The following KIF15 variants were observed in gnomAD, a reference collection of about 807,000 sequenced individuals.
KIF15 encodes the protein kinesin-like protein KIF15.
Under a neutral mutation model 190.6 loss-of-function variants are expected in KIF15, and 140 were observed. That is an observed-to-expected ratio of 0.73 (90% confidence interval 0.64 to 0.84). KIF15 has a LOEUF of 0.84. Ranked by LOEUF, KIF15 falls within the 40% of genes least tolerant of loss-of-function variation. KIF15 has a pLI of 0.00. For missense variants in KIF15, 1,372 were observed against 1,584.4 expected (o/e 0.87, Z 2.28); for synonymous variants, 528 against 551.3 (o/e 0.96, Z 0.59).
chr3:44,767,324 G>A (rs138051770), intron 1 of KIF15, among the ~76,000 whole-genome samples: 2,574 of 152,306 alleles, frequency 0.017, 49 homozygotes, highest in African/African-American at 0.04. Context: ...CTACACTGTG[G>A]CAGTGGATTT....
rs1279766003 is a variant in KIF15, at chr3:44,810,840, C to T, written c.1972-6C>T. The T allele has an allele frequency of 6.3e-7, 1 of 1,590,924 alleles. No homozygotes were observed. Among genetic ancestry groups the T allele is most frequent in the Non-Finnish European group, 8.5e-7 (1 of 1,172,196 alleles). On this transcript the variant is annotated splice_region_variant and splice_polypyrimidine_tract_variant and intron_variant, in intron 16 of 34. Transcript: ENST00000326047. ...TAATGTTTTCCATAATCATTTTTTG[C>T]TGCAGATTATAACTACACCAACCAA...
At chr3:44,822,823 A>G (rs1200281670) in intron 20 of KIF15, among the ~76,000 whole-genome samples, 1 of 152,158 alleles carries the variant, frequency 6.6e-6, no homozygotes, top group Non-Finnish European at 1.5e-5. Context: ...TGCAGGTGTC[A>G]TGAAGTTCTC....
intron 6 of KIF15, chr3:44,861,929 C>T (rs1699255335): frequency 6.9e-7 from 1 of 1,443,836 alleles, no homozygotes; most frequent in Non-Finnish European, 9.1e-7. Context: ...GGCAACATGG[C>T]CGAGAGGCCG....
chr3:44,829,124 G>A (rs10049341), intron 24 of KIF15, among the ~76,000 whole-genome samples: 66,069 of 151,582 alleles, frequency 0.44, 15,751 homozygotes, highest in East Asian at 0.82. Context: ...TTGGGAGGCT[G>A]AGGCGGGTGG....
At chr3:44,865,307 G>C in intron 6 of KIF15, 1 of 1,271,758 alleles carries the variant, frequency 7.9e-7, no homozygotes, top group Non-Finnish European at 1.1e-6. Context: ...AGGGAAGCAG[G>C]CCTCTGATGG....
At chr3:44,785,394 A>G (rs561231801) in intron 6 of KIF15, among the ~76,000 whole-genome samples, 1 of 152,314 alleles carries the variant, frequency 6.6e-6, no homozygotes, top group East Asian at 1.9e-4. Flanking sequence ...CCTTTGTAGC[A>G]CCTGCTACTG....
chr3:44,847,927 T>C, intron 30 of KIF15, 58 bp from the exon 31 acceptor site: 1 of 1,201,390 alleles, frequency 8.3e-7, no homozygotes, highest in Non-Finnish European at 1.2e-6. Flanking sequence ...AAATTGATAC[T>C]TGAATATACT....
At chr3:44,776,990 ATTTTTTTT>A (rs371067828) in intron 3 of KIF15, among the ~76,000 whole-genome samples, 7 of 116,836 alleles carry the variant, frequency 6.0e-5, no homozygotes, top group Admixed American at 2.0e-4. Context: ...AACATCACAG[ATTTTTTTT>A]TTTTTTTTTT....
intron 30 of KIF15, among the ~76,000 whole-genome samples, chr3:44,846,890 G>T (rs1017649789): frequency 6.6e-6 from 1 of 151,974 alleles, no homozygotes; most frequent in Non-Finnish European, 1.5e-5. Context: ...TAGCTCAGGG[G>T]CCTAATTCAG....
intron 6 of KIF15, chr3:44,865,579 A>G (rs1215214209): frequency 9.8e-6 from 2 of 205,036 alleles, no homozygotes; most frequent in African/African-American, 4.4e-5. Context: ...TTCCATGCTG[A>G]TGTATCAGGC....
chr3:44,766,586 A>G (rs1040479539), intron 1 of KIF15, among the ~76,000 whole-genome samples: 1 of 152,132 alleles, frequency 6.6e-6, no homozygotes, highest in Non-Finnish European at 1.5e-5. Flanking sequence ...ACCCCTTGCA[A>G]TTAGGAGCTG....
In KIF15 at chr3:44,777,674, A is replaced by G. The variant is rs559846619; in HGVS notation, c.247-441A>G. On this transcript the variant is annotated intron_variant, in intron 3 of 34. Coordinates refer to ENST00000326047, the MANE Select transcript of KIF15 (RefSeq NM_020242.3). ...CCATTGCACTAAAGGCGACAGAGTG[A>G]GACTCCATCTCAAAAATAAATAAAA... Among the ~76,000 whole-genome samples, 4 of 152,312 alleles carry G rather than the reference A, an allele frequency of 2.6e-5. No homozygotes were observed. In the South Asian group the frequency reaches 8.3e-4, roughly 32 times the overall value.
chr3:44,857,150 G>T (rs1699197762), downstream of KIF15, among the ~76,000 whole-genome samples: 1 of 152,186 alleles, frequency 6.6e-6, no homozygotes, highest in African/African-American at 2.4e-5. Context: ...AGTCATGGGG[G>T]TCTAGTTTGG....
intron 7 of KIF15, among the ~76,000 whole-genome samples, chr3:44,789,211 A>G (rs905640168): frequency 5.9e-5 from 9 of 152,170 alleles, no homozygotes; most frequent in Non-Finnish European, 1.2e-4. Context: ...ATTTAATACT[A>G]TAAATTTTTA....
At position 44,841,015 on chromosome 3, in the gene KIF15, A is replaced by C. The variant is rs1035848440; in HGVS notation, c.3421-59A>C. 4 of 1,455,952 alleles carry C rather than the reference A, an allele frequency of 2.7e-6. No individual in the cohort carries two copies. The African/African-American group carries it at 5.8e-5, about 21-fold the overall frequency. The allele number at this position is 1,455,952 out of a possible 1,614,324, so 90.2% of individuals were successfully genotyped here. A position where few individuals can be genotyped will look rare whatever the true frequency, so the allele number is the denominator to read the frequency against. Reference sequence around the variant, plus strand: ...TTATGTACTTGACATTTACGTTTAAAAGAAATCTTTATAATATCACTTAAT... The same window carrying C: ...TTATGTACTTGACATTTACGTTTAACAGAAATCTTTATAATATCACTTAAT... On this transcript the variant is annotated intron_variant, in intron 28 of 34. Transcript: ENST00000326047.
intron 4 of KIF15, among the ~76,000 whole-genome samples, chr3:44,778,997 A>C (rs1176472643): frequency 4.0e-5 from 6 of 151,606 alleles, no homozygotes; most frequent in Admixed American, 6.6e-5. Context: ...AAAAAAAAAA[A>C]AAAACCAAAA....
At chr3:44,785,636 T>G (rs532850431) in intron 6 of KIF15, among the ~76,000 whole-genome samples, 1 of 152,354 alleles carries the variant, frequency 6.6e-6, no homozygotes, top group Non-Finnish European at 1.5e-5. Context: ...AACACTGAAA[T>G]TAGACACACA....
At chr3:44,819,288 T>C (rs571302195) in intron 20 of KIF15, among the ~76,000 whole-genome samples, 3 of 152,332 alleles carry the variant, frequency 2.0e-5, no homozygotes, top group South Asian at 2.1e-4. Flanking sequence ...TTCTGCTAGC[T>C]TTTGAATTTG....
chr3:44,781,208 C>T (rs545700913), intron 5 of KIF15, among the ~76,000 whole-genome samples: 66 of 152,292 alleles, frequency 4.3e-4, no homozygotes, highest in African/African-American at 1.3e-3. Context: ...CCTGTATAAC[C>T]ACTAACCAGA....
Sources: gnomAD v4.1 joint callset for allele counts (sites outside exome capture counted in the v4.1 genomes callset) on GRCh38, gnomAD v4.1.1 for gene constraint, MANE v1.5 for transcripts, NCBI Gene and HGNC (gene_info 2026-07-23, HGNC 2026-07-21) for gene names.